PCNT: variants seen among roughly 807,000 people sequenced by gnomAD.
PCNT encodes the protein kendrin.
Under a neutral mutation model 380.4 loss-of-function variants are expected in PCNT, and 319 were observed. The observed-to-expected ratio is 0.84, with a 90% CI of 0.77 to 0.92. The LOEUF (loss-of-function observed/expected upper bound fraction) is 0.92. Ranked by LOEUF, PCNT falls within the 40% of genes least tolerant of loss-of-function variation. PCNT has a pLI of 0.00. For synonymous variants in PCNT, 1,845 were observed against 1,735.2 expected, an observed-to-expected ratio of 1.06 and a Z score of -1.57; for missense variants, 4,400 against 4,255.3, an observed-to-expected ratio of 1.03 and a Z score of -0.95.
At chr21:46,325,397 G>T (rs1325476061) in intron 1 of PCNT, among the ~76,000 whole-genome samples, 1 of 152,158 alleles carries the variant, frequency 6.6e-6, no homozygotes, top group African/African-American at 2.4e-5. Context: ...GTGGAGGGGG[G>T]AGGGAGGGAC....
At position 46,351,552 on chromosome 21, in the gene PCNT, T is replaced by C. The variant is rs764429292; in HGVS notation, c.1456+12T>C. On this transcript the variant is annotated intron_variant, in intron 9 of 46. Transcript: ENST00000359568. ...ACAGGAATTGAGTGGTGAGGAATTG[T>C]ATTGGAAAATTCAGATCCTCAAAAG... The C allele has an allele frequency of 6.9e-7, 1 of 1,453,130 alleles. No homozygotes were observed. Among genetic ancestry groups the C allele is most frequent in the Non-Finnish European group, 9.7e-7 (1 of 1,033,058 alleles). The allele number at this position is 1,453,130 out of a possible 1,614,324, so 90.0% of individuals were successfully genotyped here.
At chr21:46,346,378 C>T (rs1389528038) in intron 4 of PCNT, among the ~76,000 whole-genome samples, 170 bp downstream of exon 4, 5 of 152,136 alleles carry the variant, frequency 3.3e-5, no homozygotes, top group African/African-American at 7.2e-5. Context: ...AGGAGACACA[C>T]GTGGATGCTG....
At chr21:46,414,167 T>C (rs2086915584) in intron 29 of PCNT, among the ~76,000 whole-genome samples, 1 of 152,048 alleles carries the variant, frequency 6.6e-6, no homozygotes, top group African/African-American at 2.4e-5. Context: ...GATTTTTGTA[T>C]TTTTAGTAGA....
chr21:46,355,547 T>C lies in PCNT; in HGVS notation c.1857T>C (p.His619=). Residue 619 remains histidine, a synonymous_variant, in exon 12 of 47, where the codon CAT becomes CAC. Transcript: ENST00000359568. The part of the protein sequence containing the change: ...ESPLCIQHEG[H]VSDRCCVETS... ...CCCTCTGCATCCAGCACGAGGGGCA[T>C]GTCTCAGACAGATGCTGCGTAGAGA... The C allele has an allele frequency of 6.2e-7, 1 of 1,614,164 alleles. No individual in the cohort carries two copies. The highest frequency in any genetic ancestry group is 8.5e-7 in the Non-Finnish European group (1 of 1,180,028).
chr21:46,328,257 T>G (rs1054690821), intron 2 of PCNT, among the ~76,000 whole-genome samples: 16 of 45,474 alleles, frequency 3.5e-4, no homozygotes, highest in African/African-American at 8.5e-4. Context: ...TTGGTGTGTT[T>G]TTTTTTTTTT....
At chr21:46,361,707 C>T (rs1451109864) in intron 13 of PCNT, among the ~76,000 whole-genome samples, 5 of 152,320 alleles carry the variant, frequency 3.3e-5, no homozygotes, top group Middle Eastern at 3.4e-3. Context: ...TTCCCTTCAG[C>T]GTGAAGGATC....
At chr21:46,372,765 G>A in intron 15 of PCNT, among the ~76,000 whole-genome samples, 1 of 152,180 alleles carries the variant, frequency 6.6e-6, no homozygotes, top group Non-Finnish European at 1.5e-5. Flanking sequence ...GTTTCTTCAC[G>A]TGGACAGCTC....
chr21:46,387,269 A>T (rs118157860), intron 17 of PCNT, among the ~76,000 whole-genome samples: 2,292 of 151,682 alleles, frequency 0.015, 23 homozygotes, highest in African/African-American at 0.025. Context: ...AAGTTTTGTG[A>T]TTTTTCTGTG....
At chr21:46,346,690 T>G (rs568296727) in intron 4 of PCNT, 53 bp from the exon 5 acceptor site, 1 of 1,561,788 alleles carries the variant, frequency 6.4e-7, no homozygotes, top group East Asian at 2.3e-5. Flanking sequence ...GTCTCCCTGA[T>G]GCGCCCTGGT....
intron 6 of PCNT, chr21:46,348,465 A>C (rs1012440753): frequency 5.6e-6 from 1 of 179,714 alleles, no homozygotes; most frequent in Admixed American, 5.8e-5. Flanking sequence ...TCGTGTGCAG[A>C]TGGCAGTCTG....
chr21:46,329,189 T>A (rs752684999), intron 2 of PCNT, among the ~76,000 whole-genome samples: 1 of 152,252 alleles, frequency 6.6e-6, no homozygotes, highest in Non-Finnish European at 1.5e-5. Context: ...TGGAGACTGA[T>A]GGGTCGTTAA....
At chr21:46,418,453 C>T in intron 31 of PCNT, 147 bp downstream of exon 31, 1 of 664,072 alleles carries the variant, frequency 1.5e-6, no homozygotes, top group South Asian at 1.7e-5. Flanking sequence ...CGGGCGTGCA[C>T]CTGGGGCCTC....
Position 46,366,665 on chromosome 21 carries a change from T to G in PCNT, c.2691T>G (p.His897Gln). Residue 897 changes from histidine to glutamine, a missense_variant, in exon 15 of 47, where the codon CAT becomes CAG. His to Gln is a conservative substitution (Grantham distance 24). Transcript: ENST00000359568. Reference protein sequence around the residue: ...DAFLQEAQEQHARELQLLQER... With the variant: ...DAFLQEAQEQQARELQLLQER... ...TCCTGCAGGAGGCCCAGGAGCAGCA[T>G]GCCCGTGAGCTGCAGCTCCTCCAGG... 6.2e-7 allele frequency: 1 copy of G among 1,613,666 alleles called. No individual in the cohort carries two copies.
intron 13 of PCNT, among the ~76,000 whole-genome samples, chr21:46,357,753 A>G (rs2084529414): frequency 6.6e-6 from 1 of 152,126 alleles, no homozygotes; most frequent in Admixed American, 6.5e-5. Flanking sequence ...TTCTTAGGGA[A>G]ACTGTCCAGG....
chr21:46,397,237 C>T (rs376523973), intron 21 of PCNT, 28 bp from the exon 22 acceptor site: 198 of 1,573,348 alleles, frequency 1.3e-4, no homozygotes, highest in Non-Finnish European at 1.7e-4. Context: ...CGGGGGTGTC[C>T]CCGTGTCTGT....
intron 46 of PCNT, 57 bp downstream of exon 46, chr21:46,444,878 C>A: frequency 6.5e-7 from 1 of 1,538,144 alleles, no homozygotes; most frequent in Non-Finnish European, 9.0e-7. Flanking sequence ...ACCCTGGAAA[C>A]GTAGGGTCTG....
intron 39 of PCNT, among the ~76,000 whole-genome samples, chr21:46,436,436 A>G (rs972228635): frequency 1.8e-5 from 2 of 111,114 alleles, no homozygotes; most frequent in African/African-American, 7.0e-5. Flanking sequence ...GTAGTTGCTC[A>G]CCACCCACAG....
chr21:46,391,402 G>A lies in PCNT; in HGVS notation c.4216+26G>A, dbSNP rs545641299. On this transcript the variant is annotated intron_variant, in intron 21 of 46. Coordinates refer to ENST00000359568, the MANE Select transcript of PCNT (RefSeq NM_006031.6). ...GTAAGGAGCGCGGGCTGTGGAGGGT[G>A]GTGCGAGCTGTGGGGCGCGGATACA... 195 of 1,533,142 alleles carry A rather than the reference G, an allele frequency of 1.3e-4. No homozygotes were observed. In the African/African-American group the frequency reaches 2.4e-3, roughly 19 times the overall value. The allele number at this position is 1,533,142 out of a possible 1,614,324, so 95.0% of individuals were successfully genotyped here. A position where few individuals can be genotyped will look rare whatever the true frequency, so the allele number is the denominator to read the frequency against.
intron 13 of PCNT, among the ~76,000 whole-genome samples, chr21:46,359,480 G>GTTTGTTTTTTTTTTTTTTTT (rs2084610347): frequency 1.5e-5 from 1 of 65,732 alleles, no homozygotes; most frequent in Admixed American, 2.1e-4. Context: ...AAATACACCT[G>GTTTGTTTTTTTTTTTTTTTT]TTTTTTTTTT....
Sources: allele counts gnomAD v4.1 joint callset (sites outside exome capture counted in the v4.1 genomes callset), GRCh38; gene constraint gnomAD v4.1.1; transcripts MANE v1.5; gene names NCBI Gene and HGNC (gene_info 2026-07-23, HGNC 2026-07-21).